Variants in RAB27A observed in about 807,000 individuals in gnomAD.
The protein encoded by RAB27A is RAB27A, member RAS oncogene family, also known as ras-related protein Rab-27A.
RAB27A carries 17 observed loss-of-function variants against 20.8 expected under a neutral mutation model. The ratio of observed to expected loss-of-function variants is 0.82; its 90% CI spans 0.56 to 1.23. The LOEUF (loss-of-function observed/expected upper bound fraction) is 1.23. Among genes scored for constraint, RAB27A ranks in the 50% most tolerant of loss-of-function variants. The pLI is 0.00. For synonymous variants in RAB27A, 85 were observed against 92.8 expected (o/e 0.92, Z 0.48); for missense variants, 277 against 266.7 (o/e 1.04, Z -0.27).
chr15:55,314,417 T>C (rs1207497551), intron 1 of RAB27A, among the ~76,000 whole-genome samples: 6 of 152,284 alleles, frequency 3.9e-5, no homozygotes, highest in African/African-American at 9.6e-5. Flanking sequence ...CTGGAAGTAC[T>C]GGCCAGGGAA....
intron 2 of RAB27A, among the ~76,000 whole-genome samples, chr15:55,308,754 G>A (rs985062689): frequency 3.3e-5 from 5 of 152,174 alleles, no homozygotes; most frequent in Non-Finnish European, 5.9e-5. Flanking sequence ...TTAAGTAAAC[G>A]GTTGTCTGAC....
chr15:55,283,118 C>T (rs995173083), intron 1 of RAB27A, among the ~76,000 whole-genome samples: 12 of 152,080 alleles, frequency 7.9e-5, no homozygotes, highest in Admixed American at 2.0e-4. Context: ...AGCGTCGGCA[C>T]TGTTGACATT....
intron 2 of RAB27A, among the ~76,000 whole-genome samples, chr15:55,243,422 A>C (rs1191027782): frequency 6.6e-6 from 1 of 152,090 alleles, no homozygotes. Context: ...TGGGAGGCCG[A>C]GGAGGGTGGA....
At position 55,203,891 on chromosome 15, in the gene RAB27A, G is replaced by C. The variant is rs548779758; in HGVS notation, c.*1616C>G. The C allele has an allele frequency of 6.6e-6, 1 of 151,740 alleles. No homozygotes were observed. Among genetic ancestry groups the C allele is most frequent in the East Asian group, 1.9e-4 (1 of 5,174 alleles). The allele number at this position is 151,740 out of a possible 1,614,324, so 9.4% of individuals were successfully genotyped here. Reference sequence around the variant, plus strand: ...TTGTTATGGGAGTAGTGGAAGGACAGTGGAAAAAAAAATAGGTTTTTTCAT... The same window carrying C: ...TTGTTATGGGAGTAGTGGAAGGACACTGGAAAAAAAAATAGGTTTTTTCAT... On this transcript the variant is annotated 3_prime_UTR_variant, in exon 7 of 7. Coordinates refer to ENST00000336787, the MANE Select transcript of RAB27A (RefSeq NM_183235.3).
At chr15:55,261,590 AG>A (rs1011194861) in intron 2 of RAB27A, among the ~76,000 whole-genome samples, 8 of 143,992 alleles carry the variant, frequency 5.6e-5, no homozygotes, top group Non-Finnish European at 1.1e-4. Context: ...AAAAAAAAAA[AG>A]TTAGCTAGGC....
intron 2 of RAB27A, among the ~76,000 whole-genome samples, chr15:55,260,438 T>C (rs936386569): frequency 3.3e-5 from 5 of 152,180 alleles, no homozygotes; most frequent in Admixed American, 2.0e-4. Flanking sequence ...TCTTTGGTAT[T>C]TACCCAAATG....
At chr15:55,210,822 C>G (rs1442117796) in intron 6 of RAB27A, among the ~76,000 whole-genome samples, 1 of 152,086 alleles carries the variant, frequency 6.6e-6, no homozygotes, top group East Asian at 1.9e-4. Flanking sequence ...TGTGGTCTTA[C>G]ACAAAAAGTT....
chr15:55,285,201 C>A (rs1898115356), intron 1 of RAB27A, among the ~76,000 whole-genome samples: 1 of 151,602 alleles, frequency 6.6e-6, no homozygotes, highest in South Asian at 2.1e-4. Context: ...CACCTCCATC[C>A]CCACATTAGA....
chr15:55,260,372 A>G (rs1349500764), intron 2 of RAB27A, among the ~76,000 whole-genome samples: 1 of 152,216 alleles, frequency 6.6e-6, no homozygotes, highest in Non-Finnish European at 1.5e-5. Flanking sequence ...TGTTATAGAC[A>G]GTTTGGCAGT....
intron 6 of RAB27A, among the ~76,000 whole-genome samples, chr15:55,209,022 T>A (rs1486082112): frequency 2.6e-5 from 4 of 152,210 alleles, no homozygotes; most frequent in Non-Finnish European, 4.4e-5. Flanking sequence ...TTATTTTTTA[T>A]TTATGCATAA....
chr15:55,261,809 G>A (rs1897278599), intron 2 of RAB27A, among the ~76,000 whole-genome samples: 2 of 151,502 alleles, frequency 1.3e-5, no homozygotes, highest in South Asian at 4.2e-4. Context: ...GAAGGCCGAG[G>A]TGGGTGGATC....
rs539116842 is a variant in RAB27A, at chr15:55,265,196, C to CGCA, written c.-23+4966_-23+4968dup. On this transcript the variant is annotated intron_variant, in intron 2 of 6. Transcript: ENST00000336787. The stretch of plus-strand genomic sequence containing the variant: ...GGCGGAGGTTGCAGCCAGCCGAGAT[C>CGCA]GCACATTGCACTCCAGCCTGGGCGA... Among the ~76,000 whole-genome samples the CGCA allele has an allele frequency of 3.9e-5, 6 of 152,130 alleles. No homozygotes were observed. In the South Asian group the frequency reaches 8.3e-4, roughly 21 times the overall value.
At chr15:55,296,911 C>G (rs1227751514) in intron 2 of RAB27A, among the ~76,000 whole-genome samples, 2 of 152,040 alleles carry the variant, frequency 1.3e-5, no homozygotes, top group Non-Finnish European at 2.9e-5. Flanking sequence ...CAGGAGGGTT[C>G]AGGGTTGGGC....
chr15:55,205,942 G>T (rs551167780), intron 6 of RAB27A, among the ~76,000 whole-genome samples: 3 of 152,012 alleles, frequency 2.0e-5, no homozygotes, highest in Non-Finnish European at 4.4e-5. Flanking sequence ...TTGGCTGGGC[G>T]CAGTGGCTCA....
intron 1 of RAB27A, among the ~76,000 whole-genome samples, chr15:55,278,283 T>C (rs1897926493): frequency 6.6e-6 from 1 of 152,166 alleles, no homozygotes; most frequent in South Asian, 2.1e-4. Context: ...AGGTTTCCAC[T>C]ATATTTTCAT....
intron 6 of RAB27A, among the ~76,000 whole-genome samples, chr15:55,213,520 C>T (rs569163379): frequency 2.6e-5 from 4 of 152,192 alleles, no homozygotes; most frequent in African/African-American, 9.7e-5. Context: ...TGTTAGCAAC[C>T]AGGCCACACA....
chr15:55,275,653 C>T (rs915388499), intron 1 of RAB27A, among the ~76,000 whole-genome samples: 1 of 150,946 alleles, frequency 6.6e-6, no homozygotes, highest in South Asian at 2.1e-4. Flanking sequence ...AAAAGGCAAC[C>T]TATAGAAGGG....
chr15:55,210,226 T>C (rs866265976), intron 6 of RAB27A, among the ~76,000 whole-genome samples: 48 of 95,074 alleles, frequency 5.0e-4, no homozygotes, highest in Non-Finnish European at 8.0e-4. Flanking sequence ...TGTATGTATA[T>C]ATACACACAT....
intron 6 of RAB27A, among the ~76,000 whole-genome samples, chr15:55,222,233 G>T (rs1895604857): frequency 6.6e-6 from 1 of 152,202 alleles, no homozygotes; most frequent in African/African-American, 2.4e-5. Flanking sequence ...AACACCATCT[G>T]CCCTAGGGTA....
Sources: allele counts gnomAD v4.1 joint callset (sites outside exome capture counted in the v4.1 genomes callset), GRCh38; gene constraint gnomAD v4.1.1; transcripts MANE v1.5; gene names NCBI Gene and HGNC (gene_info 2026-07-23, HGNC 2026-07-21).